Variants in NPAS2 observed in about 807,000 individuals in gnomAD.
NPAS2 encodes the protein neuronal PAS domain protein 2.
A neutral mutation model predicts 107.5 loss-of-function variants in NPAS2; 23 were observed. The observed-to-expected ratio is 0.21, with a 90% CI of 0.15 to 0.30. NPAS2 has a LOEUF of 0.30. NPAS2 is among the 10% of genes least tolerant of loss of function. NPAS2 has a pLI of 1.00. For missense variants in NPAS2, 756 were observed against 1,043.3 expected (o/e 0.72, Z 3.79); for synonymous variants, 403 against 417.5 (o/e 0.97, Z 0.42).
chr2:100,865,297 A>C (rs1256078757), intron 1 of NPAS2, among the ~76,000 whole-genome samples: 3 of 152,150 alleles, frequency 2.0e-5, no homozygotes, highest in African/African-American at 4.8e-5. Flanking sequence ...CGTGGGAGGA[A>C]GCAGGTCGTG....
chr2:100,918,068 T>TATA (rs1558870719), intron 2 of NPAS2, among the ~76,000 whole-genome samples: 2 of 149,314 alleles, frequency 1.3e-5, no homozygotes, highest in African/African-American at 2.5e-5. Flanking sequence ...CTATATATAT[T>TATA]TATATATATT....
chr2:100,987,937 A>T (rs1234047103), intron 16 of NPAS2, 142 bp from the exon 17 acceptor site: 1 of 877,304 alleles, frequency 1.1e-6, no homozygotes, highest in African/African-American at 1.7e-5. Flanking sequence ...CAGGTGCTCC[A>T]TGTCCACCAG....
At chr2:100,829,253 C>T (rs1676583102) in intron 1 of NPAS2, among the ~76,000 whole-genome samples, 1 of 150,876 alleles carries the variant, frequency 6.6e-6, no homozygotes, top group Admixed American at 6.6e-5. Flanking sequence ...GGCGCAATCT[C>T]AGCTCACTAC....
chr2:100,873,713 G>A (rs11888806), intron 1 of NPAS2, among the ~76,000 whole-genome samples: 5,724 of 152,146 alleles, frequency 0.038, 366 homozygotes, highest in African/African-American at 0.13. Context: ...TAGCAATGGA[G>A]CGGGGATTCA....
intron 11 of NPAS2, among the ~76,000 whole-genome samples, chr2:100,969,839 C>T (rs78373264): frequency 0.021 from 3,243 of 152,222 alleles, 100 homozygotes; most frequent in South Asian, 0.16. Context: ...TGCACCTAAA[C>T]GTATCTGAAC....
chr2:100,953,668 A>G (rs1044935085), intron 7 of NPAS2, among the ~76,000 whole-genome samples: 1 of 152,174 alleles, frequency 6.6e-6, no homozygotes, highest in Non-Finnish European at 1.5e-5. Context: ...GAAGGGTTGC[A>G]TCTATGATGT....
intron 1 of NPAS2, among the ~76,000 whole-genome samples, chr2:100,886,375 C>G (rs887023642): frequency 1.4e-4 from 22 of 152,208 alleles, no homozygotes; most frequent in African/African-American, 4.8e-4. Flanking sequence ...TCTGCAGGCT[C>G]CCTGGTAGCT....
intron 7 of NPAS2, among the ~76,000 whole-genome samples, chr2:100,957,019 C>T (rs1410179604): frequency 6.6e-6 from 1 of 152,232 alleles, no homozygotes; most frequent in African/African-American, 2.4e-5. Flanking sequence ...AGCCATTGCT[C>T]AGGTCCTTCA....
chr2:100,836,520 C>T (rs564886219), intron 1 of NPAS2, among the ~76,000 whole-genome samples: 12 of 152,196 alleles, frequency 7.9e-5, no homozygotes, highest in Non-Finnish European at 1.5e-4. Context: ...CGCCTGGGGA[C>T]AGTGGTGGTA....
At chr2:100,985,654 T>C (rs900727422) in intron 16 of NPAS2, 2 of 152,260 alleles carry the variant, frequency 1.3e-5, no homozygotes, top group African/African-American at 4.8e-5. Context: ...CCTTTTTTCA[T>C]TTTGAATGTT....
upstream of NPAS2, among the ~76,000 whole-genome samples, chr2:100,819,086 T>C (rs1190491252): frequency 6.6e-6 from 1 of 151,930 alleles, no homozygotes; most frequent in Non-Finnish European, 1.5e-5. The surrounding 1 kb of genome is among the most constrained non-coding windows in gnomAD (Gnocchi z 5.8). Context: ...CCTCCCTGTT[T>C]CTCGCGCGCG....
chr2:100,934,917 C>G, intron 4 of NPAS2: 2 of 985,376 alleles, frequency 2.0e-6, no homozygotes, highest in Non-Finnish European at 2.4e-6. Flanking sequence ...CAGGATGTTC[C>G]CTTTCTAAAA....
intron 1 of NPAS2, among the ~76,000 whole-genome samples, chr2:100,825,122 C>T (rs1676293702): frequency 6.6e-6 from 1 of 152,172 alleles, no homozygotes; most frequent in Non-Finnish European, 1.5e-5. Context: ...ATCATCCAGG[C>T]TTCCAGAAAA....
intron 5 of NPAS2, among the ~76,000 whole-genome samples, chr2:100,947,154 A>T (rs1674945686): frequency 6.6e-6 from 1 of 152,086 alleles, no homozygotes; most frequent in Non-Finnish European, 1.5e-5. Flanking sequence ...ATTGAGGGAA[A>T]CTGAGGAAGA....
chr2:100,925,743 C>T (rs1464785154), intron 3 of NPAS2, among the ~76,000 whole-genome samples: 2 of 152,126 alleles, frequency 1.3e-5, no homozygotes, highest in African/African-American at 4.8e-5. Context: ...TGAAAAAATA[C>T]ATTGAAAAGA....
At chr2:100,947,145 T>C (rs1674945508) in intron 5 of NPAS2, among the ~76,000 whole-genome samples, 1 of 152,148 alleles carries the variant, frequency 6.6e-6, no homozygotes, top group African/African-American at 2.4e-5. Flanking sequence ...GATGGGTTTA[T>C]TGAGGGAAAC....
Position 100,948,335 on chromosome 2 carries a change from C to T in NPAS2, c.464C>T (p.Pro155Leu), listed in dbSNP as rs371006593. The change falls in exon 6 of 21, where the codon CCC becomes CTC. Residue 155 changes from proline to leucine, a missense_variant. Pro to Leu is a moderately conservative substitution (Grantham distance 98). Coordinates refer to ENST00000335681, the MANE Select transcript of NPAS2 (RefSeq NM_002518.4). ...LSSHMLVTDS[P>L]SPEYLKSDSD... ...TCCCATATGCTTGTGACGGATTCCCCCTCCCCAGAATACTTAAAATGTAAG... is the reference window on the plus strand; with the variant it reads ...TCCCATATGCTTGTGACGGATTCCCTCTCCCCAGAATACTTAAAATGTAAG... The T allele has an allele frequency of 8.1e-6, 13 of 1,609,548 alleles. No homozygotes were observed. In the African/African-American group the frequency reaches 1.2e-4, roughly 15 times the overall value.
intron 19 of NPAS2, among the ~76,000 whole-genome samples, 200 bp downstream of exon 19, chr2:100,991,072 G>A (rs1023677673): frequency 2.0e-5 from 3 of 152,170 alleles, no homozygotes; most frequent in Admixed American, 6.5e-5. Flanking sequence ...AAAACTCAGC[G>A]CTCCATGCTT....
chr2:100,945,601 G>A (rs558519621), intron 5 of NPAS2, among the ~76,000 whole-genome samples: 158 of 152,260 alleles, frequency 1.0e-3, no homozygotes, highest in African/African-American at 3.7e-3. Flanking sequence ...TGACTCCTCC[G>A]AGGCCTCTCT....
Sources: allele counts gnomAD v4.1 joint callset (sites outside exome capture counted in the v4.1 genomes callset), GRCh38; gene constraint gnomAD v4.1.1; non-coding constraint Gnocchi (gnomAD v3.1); transcripts MANE v1.5; gene names NCBI Gene and HGNC (gene_info 2026-07-23, HGNC 2026-07-21).